FMO1: variants seen among roughly 807,000 people sequenced by gnomAD.
The protein encoded by FMO1 is flavin-containing monooxygenase 1.
Under a neutral mutation model 45.4 loss-of-function variants are expected in FMO1, and 36 were observed. The ratio of observed to expected loss-of-function variants is 0.79; its 90% CI spans 0.61 to 1.05. The LOEUF is 1.05. Ranked by LOEUF, FMO1 falls within the 50% of genes least tolerant of loss-of-function variation. The pLI is 0.00. For missense variants in FMO1, 615 were observed against 640.3 expected (o/e 0.96, Z 0.43); for synonymous variants, 228 against 227.2 (o/e 1.00, Z -0.03).
At chr1:171,283,785 A>C (rs1053933196) in intron 8 of FMO1, among the ~76,000 whole-genome samples, 1 of 152,248 alleles carries the variant, frequency 6.6e-6, no homozygotes, top group African/African-American at 2.4e-5. Context: ...AAATTTTATT[A>C]GAACACAGCC....
intron 1 of FMO1, among the ~76,000 whole-genome samples, chr1:171,256,361 A>T (rs1660158386): frequency 6.6e-6 from 1 of 151,796 alleles, no homozygotes; most frequent in Non-Finnish European, 1.5e-5. Context: ...TCATTTTCCT[A>T]TATCACCAAG....
intron 2 of FMO1, 103 bp downstream of exon 2, chr1:171,258,322 G>A: frequency 1.5e-6 from 2 of 1,373,478 alleles, no homozygotes; most frequent in Non-Finnish European, 2.0e-6. Flanking sequence ...CCTTGAGGAA[G>A]GTTAGAAATG....
chr1:171,283,340 T>C, intron 8 of FMO1, 124 bp downstream of exon 8: 1 of 478,442 alleles, frequency 2.1e-6, no homozygotes, highest in East Asian at 3.6e-5. Context: ...GAGATGAAAG[T>C]TACATTGGAG....
chr1:171,252,583 T>C (rs1044218876), intron 1 of FMO1, among the ~76,000 whole-genome samples: 6 of 152,160 alleles, frequency 3.9e-5, no homozygotes, highest in African/African-American at 1.4e-4. Flanking sequence ...TGAGAGTCGG[T>C]GATGCTGCCT....
rs1661389780 is a variant in FMO1 at position 171,282,231 on chromosome 1, C to G, written c.1081C>G (p.Leu361Val). 1 of 1,613,894 alleles carries G rather than the reference C, an allele frequency of 6.2e-7. No individual in the cohort carries two copies. Among genetic ancestry groups the G allele is most frequent in the African/African-American group, 1.3e-5 (1 of 74,902 alleles). Residue 361 changes from leucine (L) to valine (V), a missense_variant, in exon 7 of 9, where the codon CTG becomes GTG. Coordinates refer to ENST00000617670, the MANE Select transcript of FMO1 (RefSeq NM_001282693.2). ...SLYKYIFPAH[L>V]QKPTLAIIGL... ...GTACAAGTATATCTTCCCTGCACAT[C>G]TGCAAAAGCCAACCCTGGCCATTAT...
chr1:171,281,052 C>T, intron 6 of FMO1, 67 bp downstream of exon 6: 1 of 1,330,620 alleles, frequency 7.5e-7, no homozygotes, highest in South Asian at 1.2e-5. Context: ...GCAGCCTATA[C>T]AAGCCAGGCA....
At position 171,257,665 on chromosome 1, in the gene FMO1, C is replaced by T. The variant is rs149307681; in HGVS notation, c.-6-417C>T. 1.4e-3 allele frequency: 310 copies of T among 214,208 alleles called. 1 individual carries two copies. Among genetic ancestry groups the T allele is most frequent in the Non-Finnish European group, 2.2e-3 (231 of 106,032 alleles). 13.3% of individuals were successfully genotyped at this position (214,208 alleles called of 1,614,324 possible). ...TGTCAGGTCACCACACCAATCGGAG[C>T]TTCAGTTTTGTATGTGATAAAGAGA... On this transcript the variant is annotated intron_variant, in intron 1 of 8. Coordinates refer to ENST00000617670, the MANE Select transcript of FMO1 (RefSeq NM_001282693.2).
chr1:171,278,560 A>G (rs1226820666), intron 4 of FMO1, among the ~76,000 whole-genome samples, 169 bp from the exon 5 acceptor site: 2 of 152,172 alleles, frequency 1.3e-5, no homozygotes, highest in East Asian at 1.9e-4. Flanking sequence ...TTAAATAATT[A>G]CCTGCCAATG....
At chr1:171,283,355 A>G in intron 8 of FMO1, 139 bp downstream of exon 8, 1 of 514,418 alleles carries the variant, frequency 1.9e-6, no homozygotes, top group South Asian at 3.7e-5. Context: ...TTGGAGAAAA[A>G]AAGAAGCATC....
At chr1:171,255,943 A>T (rs1660127379) in intron 1 of FMO1, among the ~76,000 whole-genome samples, 1 of 152,122 alleles carries the variant, frequency 6.6e-6, no homozygotes, top group African/African-American at 2.4e-5. Context: ...ATAAAAGTGG[A>T]TATTCTTTAT....
chr1:171,262,773 A>G (rs28384870), intron 2 of FMO1, among the ~76,000 whole-genome samples: 1,887 of 152,258 alleles, frequency 0.012, 38 homozygotes, highest in African/African-American at 0.041. Context: ...ACAGGCCCCT[A>G]TCCTCATGGA....
At chr1:171,249,216 T>C (rs530039984) in intron 1 of FMO1, among the ~76,000 whole-genome samples, 16 of 152,274 alleles carry the variant, frequency 1.1e-4, no homozygotes, top group Admixed American at 5.2e-4. Flanking sequence ...TTTTTACTAA[T>C]CCTGCTCCAG....
chr1:171,275,309 T>C, intron 3 of FMO1, 37 bp from the exon 4 acceptor site: 1 of 1,588,834 alleles, frequency 6.3e-7, no homozygotes, highest in East Asian at 2.2e-5. Context: ...AATGGAACAT[T>C]GACAACTGCT....
intron 1 of FMO1, 36 bp from the exon 2 acceptor site, chr1:171,258,046 T>C (rs1030628417): frequency 6.2e-7 from 1 of 1,612,996 alleles, no homozygotes; most frequent in Non-Finnish European, 8.5e-7. Flanking sequence ...GGGTGGAGCT[T>C]GTGAATAAAA....
intron 2 of FMO1, among the ~76,000 whole-genome samples, chr1:171,266,805 C>T (rs1660633929): frequency 6.6e-6 from 1 of 152,128 alleles, no homozygotes; most frequent in African/African-American, 2.4e-5. Flanking sequence ...AATAATCCTC[C>T]ATACTACTCC....
intron 3 of FMO1, among the ~76,000 whole-genome samples, chr1:171,269,826 A>G (rs1156458394): frequency 6.6e-6 from 1 of 152,210 alleles, no homozygotes; most frequent in Non-Finnish European, 1.5e-5. Context: ...GAGGGGGCAA[A>G]CCATAATATA....
At chr1:171,267,427 T>G in intron 2 of FMO1, 116 bp from the exon 3 acceptor site, 1 of 641,818 alleles carries the variant, frequency 1.6e-6, no homozygotes, top group South Asian at 3.1e-5. Flanking sequence ...TTCTCATGTA[T>G]TTCTATATTC....
rs182525482 is a variant in FMO1, at chr1:171,258,098, G to A, written c.11G>A (p.Arg4Gln). ...CTCATGCAGGAGAACATGGCCAAGC[G>A]AGTTGCCATTGTGGGAGCTGGGGTC... MAKRVAIVGAGVSG... is the reference protein window; with the variant it reads MAKQVAIVGAGVSG... Residue 4 changes from arginine (R) to glutamine (Q), a missense_variant, in exon 2 of 9, where the codon CGA (arginine) becomes CAA (glutamine). Physicochemically the swap from Arg to Gln is conservative, Grantham distance 43 (BLOSUM62 1). Coordinates refer to ENST00000617670, the MANE Select transcript of FMO1 (RefSeq NM_001282693.2). 3.7e-5 allele frequency: 59 copies of A among 1,614,140 alleles called. No individual in the cohort carries two copies. In the Middle Eastern group the frequency reaches 8.3e-4, roughly 23 times the overall value.
rs1365420512 is a variant in FMO1 at position 171,275,462 on chromosome 1, C to T, written c.438C>T (p.Cys146=). The change falls in exon 4 of 9, where the codon TGC becomes TGT. Residue 146 remains cysteine, a synonymous_variant. Coordinates refer to ENST00000617670, the MANE Select transcript of FMO1 (RefSeq NM_001282693.2). ...ESAIFDAVMV[C]TGFLTNPYLP... ...CCATCTTTGATGCTGTCATGGTCTG[C>T]ACTGGCTTTCTTACTAATCCTTATT... is the stretch of plus-strand genomic sequence containing the variant. The T allele has an allele frequency of 1.2e-6, 2 of 1,613,472 alleles. No homozygotes were observed. The highest frequency in any genetic ancestry group is 1.7e-6 in the Non-Finnish European group (2 of 1,179,582).
Sources: gnomAD v4.1 joint callset for allele counts (sites outside exome capture counted in the v4.1 genomes callset) on GRCh38, gnomAD v4.1.1 for gene constraint, MANE v1.5 for transcripts, NCBI Gene and HGNC (gene_info 2026-07-23, HGNC 2026-07-21) for gene names.